The following BICC1 variants were observed in gnomAD, a reference collection of about 807,000 sequenced individuals.
BICC1 encodes the protein BicC family RNA binding protein 1.
BICC1 carries 43 observed loss-of-function variants against 111.0 expected under a neutral mutation model. The observed-to-expected ratio is 0.39, with a 90% CI of 0.30 to 0.50. The LOEUF (loss-of-function observed/expected upper bound fraction) is 0.50. Ranked by LOEUF, BICC1 falls within the 20% of genes least tolerant of loss-of-function variation. BICC1 has a pLI of 0.88. For missense variants in BICC1, 1,091 were observed against 1,203.2 expected, an observed-to-expected ratio of 0.91 and a Z score of 1.38; for synonymous variants, 467 against 434.4, an observed-to-expected ratio of 1.07 and a Z score of -0.93.
chr10:58,770,481 A>G (rs1466272248), intron 3 of BICC1, among the ~76,000 whole-genome samples: 1 of 148,618 alleles, frequency 6.7e-6, no homozygotes, highest in Non-Finnish European at 1.5e-5. Context: ...CAAATAGTAT[A>G]AAAAAATTTC....
chr10:58,674,273 GT>G (rs1218785165), intron 2 of BICC1, among the ~76,000 whole-genome samples: 8 of 151,760 alleles, frequency 5.3e-5, no homozygotes, highest in African/African-American at 1.9e-4. Context: ...TCAAGTGTCA[GT>G]TACCATTTAT....
At chr10:58,716,269 C>G in intron 3 of BICC1, 1 of 1,501,264 alleles carries the variant, frequency 6.7e-7, no homozygotes, top group South Asian at 1.2e-5. Flanking sequence ...GCTGTTAGTT[C>G]AAGTCCTGAC....
intron 2 of BICC1, among the ~76,000 whole-genome samples, chr10:58,630,489 C>T (rs1415825947): frequency 6.6e-6 from 1 of 152,084 alleles, no homozygotes; most frequent in Non-Finnish European, 1.5e-5. Flanking sequence ...AGTGTGGTGG[C>T]CTGATCATAG....
At chr10:58,708,430 A>G (rs914628446) in intron 3 of BICC1, among the ~76,000 whole-genome samples, 1 of 152,208 alleles carries the variant, frequency 6.6e-6, no homozygotes, top group African/African-American at 2.4e-5. Flanking sequence ...TCTCATGCCA[A>G]GGAAATCAAG....
intron 2 of BICC1, among the ~76,000 whole-genome samples, chr10:58,672,283 C>T (rs1839208053): frequency 6.6e-6 from 1 of 152,126 alleles, no homozygotes; most frequent in Admixed American, 6.6e-5. Flanking sequence ...CACCATTCTA[C>T]TTTCTTCTCT....
intron 3 of BICC1, among the ~76,000 whole-genome samples, chr10:58,745,532 C>T (rs1397927915): frequency 6.6e-6 from 1 of 151,344 alleles, no homozygotes. Context: ...AACGTGAAAG[C>T]AGAACCATGT....
chr10:58,707,399 A>G (rs768400446), intron 3 of BICC1, among the ~76,000 whole-genome samples: 6 of 152,160 alleles, frequency 3.9e-5, no homozygotes, highest in Non-Finnish European at 5.9e-5. Context: ...ATGCTGGACC[A>G]AAGTGTTGCT....
At chr10:58,568,607 G>A (rs1336478730) in intron 1 of BICC1, among the ~76,000 whole-genome samples, 5 of 152,068 alleles carry the variant, frequency 3.3e-5, no homozygotes, top group African/African-American at 4.8e-5. Flanking sequence ...TGCCCAGAAC[G>A]CCCACATCAG....
chr10:58,569,582 C>T (rs1843881300), intron 1 of BICC1, among the ~76,000 whole-genome samples: 1 of 152,126 alleles, frequency 6.6e-6, no homozygotes, highest in Non-Finnish European at 1.5e-5. Context: ...TGATGTTCCC[C>T]TCCCTGTATC....
chr10:58,688,470 G>T (rs1839811921), intron 2 of BICC1, among the ~76,000 whole-genome samples: 1 of 151,970 alleles, frequency 6.6e-6, no homozygotes, highest in Admixed American at 6.6e-5. Flanking sequence ...ATTTCTCCAA[G>T]TCCCCCCCTG....
At chr10:58,514,426 A>G (rs1589051465) in intron 1 of BICC1, among the ~76,000 whole-genome samples, 1 of 152,314 alleles carries the variant, frequency 6.6e-6, no homozygotes, top group East Asian at 1.9e-4. Context: ...CTTTGACTTT[A>G]TCAGTCAATG....
At chr10:58,773,659 C>G (rs1038491850) in intron 3 of BICC1, among the ~76,000 whole-genome samples, 1 of 152,168 alleles carries the variant, frequency 6.6e-6, no homozygotes. Flanking sequence ...TTGCTGGGCA[C>G]GAAGCAGGGC....
At chr10:58,689,308 G>A (rs867112500) in intron 2 of BICC1, among the ~76,000 whole-genome samples, 1 of 152,158 alleles carries the variant, frequency 6.6e-6, no homozygotes, top group African/African-American at 2.4e-5. Flanking sequence ...ATTCTCAAAA[G>A]CTTCCATGAG....
In BICC1 at chr10:58,734,372, A is replaced by G. The variant is rs1179914516; in HGVS notation, c.307+32229A>G. On this transcript the variant is annotated intron_variant, in intron 3 of 20. Coordinates refer to ENST00000373886, the MANE Select transcript of BICC1 (RefSeq NM_001080512.3). The stretch of plus-strand genomic sequence containing the variant: ...CATGTTTTAATTGTGGTCTTTGGCT[A>G]TAAATTCCTGAAATGCTGACATGGT... Among the ~76,000 whole-genome samples the G allele has an allele frequency of 3.3e-5, 5 of 152,376 alleles. No homozygotes were observed. The East Asian group carries it at 9.6e-4, about 29-fold the overall frequency.
rs144506653 is a variant in BICC1, at chr10:58,813,798, A to G, written c.2377-32A>G. The G allele has an allele frequency of 3.7e-6, 6 of 1,606,228 alleles. No individual in the cohort carries two copies. In the African/African-American group the frequency reaches 5.4e-5, roughly 14 times the overall value. On this transcript the variant is annotated intron_variant, in intron 17 of 20. Coordinates refer to ENST00000373886, the MANE Select transcript of BICC1 (RefSeq NM_001080512.3). ...CACCCTGAAAAACCCACCTGATTAA[A>G]TATTTCCTTATCTGGCTTTGTCTGT... is the stretch of plus-strand genomic sequence containing the variant.
chr10:58,696,977 A>C (rs1195064183), intron 2 of BICC1, among the ~76,000 whole-genome samples: 2 of 152,166 alleles, frequency 1.3e-5, no homozygotes, highest in Admixed American at 6.5e-5. Context: ...GTGGCTTTGC[A>C]TAACTTGGCA....
intron 1 of BICC1, among the ~76,000 whole-genome samples, chr10:58,538,119 AATC>A (rs1842868422): frequency 6.6e-6 from 1 of 151,844 alleles, no homozygotes; most frequent in African/African-American, 2.4e-5. Context: ...TTAGAAAAAA[AATC>A]ATAAAATTCA....
At chr10:58,755,622 A>G (rs1437716906) in intron 3 of BICC1, among the ~76,000 whole-genome samples, 1 of 152,096 alleles carries the variant, frequency 6.6e-6, no homozygotes, top group African/African-American at 2.4e-5. Flanking sequence ...ATGAAGAAAC[A>G]CCTTAGGTTT....
intron 2 of BICC1, among the ~76,000 whole-genome samples, chr10:58,682,865 T>C (rs1839580830): frequency 6.6e-6 from 1 of 152,156 alleles, no homozygotes; most frequent in Admixed American, 6.6e-5. Flanking sequence ...TCTTTTGCTG[T>C]GTGCAGAAGA....
Sources: gnomAD v4.1 joint callset for allele counts (sites outside exome capture counted in the v4.1 genomes callset) on GRCh38, gnomAD v4.1.1 for gene constraint, MANE v1.5 for transcripts, NCBI Gene and HGNC (gene_info 2026-07-23, HGNC 2026-07-21) for gene names.